The following SFMBT2 variants were observed in gnomAD, a reference collection of about 807,000 sequenced individuals.
SFMBT2 encodes Scm like with four mbt domains 2, also known as scm-like with four MBT domains protein 2.
Under a neutral mutation model 110.1 loss-of-function variants are expected in SFMBT2, and 38 were observed. That is an observed-to-expected ratio of 0.35 (90% CI 0.27 to 0.45). The LOEUF (loss-of-function observed/expected upper bound fraction) is 0.45, where lower values mean the gene tolerates loss of function less well. Ranked by LOEUF, SFMBT2 falls within the 20% of genes least tolerant of loss-of-function variation. The probability of loss-of-function intolerance (pLI) is 1.00; values close to 1 mark genes in which losing one functional copy is unlikely to be tolerated. For missense variants in SFMBT2, 1,011 were observed against 1,094.9 expected (o/e 0.92, Z 1.08); for synonymous variants, 425 against 425.4 (o/e 1.00, Z 0.01).
At chr10:7,320,491 T>C (rs1336505585) in intron 4 of SFMBT2, 1 of 650,480 alleles carries the variant, frequency 1.5e-6, no homozygotes, top group African/African-American at 2.0e-5. Flanking sequence ...TTTCCTTCTA[T>C]TTTTTTCCTG....
intron 4 of SFMBT2, among the ~76,000 whole-genome samples, chr10:7,344,329 A>C (rs1305485241): frequency 2.0e-5 from 3 of 152,260 alleles, no homozygotes; most frequent in Middle Eastern, 6.8e-3. Flanking sequence ...GGTGGAGACC[A>C]TTGAATCATG....
chr10:7,348,162 T>C, intron 4 of SFMBT2: 1 of 619,428 alleles, frequency 1.6e-6, no homozygotes, highest in Non-Finnish European at 2.5e-6. Flanking sequence ...AACATTTTAT[T>C]TTCTTTGGAG....
At chr10:7,391,360 G>T (rs1845758686) in intron 1 of SFMBT2, among the ~76,000 whole-genome samples, 1 of 150,830 alleles carries the variant, frequency 6.6e-6, no homozygotes, top group African/African-American at 2.4e-5. Flanking sequence ...CAGCTACTCG[G>T]GAGGCTGAGG....
At chr10:7,260,109 C>G (rs1450659511) in intron 7 of SFMBT2, among the ~76,000 whole-genome samples, 1 of 152,192 alleles carries the variant, frequency 6.6e-6, no homozygotes, top group Non-Finnish European at 1.5e-5. Flanking sequence ...AACCCACTGC[C>G]TACTACCACT....
At chr10:7,206,328 G>C (rs1839136926) in intron 11 of SFMBT2, 1 of 985,270 alleles carries the variant, frequency 1.0e-6, no homozygotes, top group South Asian at 4.7e-5. Context: ...GGAGCTTGGG[G>C]TGGGACCTCA....
chr10:7,248,556 C>T lies in SFMBT2; in HGVS notation c.964G>A (p.Val322Met). 3 of 1,613,922 alleles carry T rather than the reference C, an allele frequency of 1.9e-6. No homozygotes were observed. Among genetic ancestry groups the T allele is most frequent in the Non-Finnish European group, 2.5e-6 (3 of 1,179,818 alleles). Reference sequence around the variant, plus strand: ...GAGGGAGGAAAACCCACCTTAGTCACCGACGCAGGAGAGATGTAAAAGGGC... The same window carrying T: ...GAGGGAGGAAAACCCACCTTAGTCATCGACGCAGGAGAGATGTAAAAGGGC... ...CEPFYISPAS[V>M]TKVFNNHFFQ... The change falls in exon 8 of 21, where the codon GTG becomes ATG. Residue 322 changes from valine (V) to methionine (M), a missense_variant. By Grantham distance (21) the Val-to-Met change is conservative (BLOSUM62 1). Transcript: ENST00000397167.
intron 2 of SFMBT2, among the ~76,000 whole-genome samples, chr10:7,371,920 A>ATTTTTTTTTTTTTTTTTTTTTTTTTTT (rs762872004): frequency 1.3e-5 from 1 of 77,734 alleles, no homozygotes; most frequent in Non-Finnish European, 2.3e-5. Context: ...TCCACCTGTA[A>ATTTTTTTTTTTTTTTTTTTTTTTTTTT]TTTTTTTTTT....
At chr10:7,164,478 GA>G (rs756389116) in intron 20 of SFMBT2, 30 of 981,256 alleles carry the variant, frequency 3.1e-5, no homozygotes, top group South Asian at 4.7e-5. Flanking sequence ...CTGGTGGGTA[GA>G]AAGAGCTGGA....
chr10:7,205,193 C>T (rs1051581963), intron 12 of SFMBT2: 1 of 202,636 alleles, frequency 4.9e-6, no homozygotes, highest in Non-Finnish European at 8.7e-6. Flanking sequence ...GGCAATCCTC[C>T]CACCTCAGCC....
intron 8 of SFMBT2, among the ~76,000 whole-genome samples, chr10:7,245,640 C>A (rs555018904): frequency 2.2e-4 from 34 of 152,354 alleles, no homozygotes; most frequent in African/African-American, 7.7e-4. Context: ...GAAACAGAAA[C>A]AGAACCCAAG....
At chr10:7,347,409 T>C (rs1035519167) in intron 4 of SFMBT2, among the ~76,000 whole-genome samples, 1 of 152,030 alleles carries the variant, frequency 6.6e-6, no homozygotes, top group Admixed American at 6.6e-5. Flanking sequence ...TCCTAACACA[T>C]AAACCACACC....
At chr10:7,318,533 A>T (rs1232367737) in intron 4 of SFMBT2, among the ~76,000 whole-genome samples, 1 of 152,204 alleles carries the variant, frequency 6.6e-6, no homozygotes, top group Non-Finnish European at 1.5e-5. Flanking sequence ...TTATGACTTG[A>T]ATGAGTGAAA....
intron 4 of SFMBT2, among the ~76,000 whole-genome samples, chr10:7,319,972 CAG>C (rs776023435): frequency 4.3e-5 from 6 of 140,806 alleles, no homozygotes; most frequent in African/African-American, 1.6e-4. Context: ...GAGATGAAGA[CAG>C]AGAGACACAG....
At chr10:7,356,408 T>A (rs1015788165) in intron 4 of SFMBT2, among the ~76,000 whole-genome samples, 5 of 151,828 alleles carry the variant, frequency 3.3e-5, no homozygotes, top group South Asian at 2.1e-4. Context: ...GTTGTTGTTG[T>A]TGTTTTGTTT....
At chr10:7,343,304 G>A (rs955088254) in intron 4 of SFMBT2, among the ~76,000 whole-genome samples, 6 of 151,978 alleles carry the variant, frequency 3.9e-5, no homozygotes, top group African/African-American at 2.4e-5. Flanking sequence ...GATGGGCATT[G>A]AGGTTGATTC....
intron 1 of SFMBT2, among the ~76,000 whole-genome samples, chr10:7,398,396 G>T (rs1012075197): frequency 6.6e-6 from 1 of 152,034 alleles, no homozygotes; most frequent in Non-Finnish European, 1.5e-5. Flanking sequence ...CTTGAAAGTC[G>T]GTTTATTTAC....
intron 8 of SFMBT2, chr10:7,246,216 A>G: frequency 1.0e-6 from 1 of 961,292 alleles, no homozygotes; most frequent in Non-Finnish European, 1.2e-6. Flanking sequence ...TAAAAAGGAA[A>G]ACACAGTTTA....
At chr10:7,243,331 A>T (rs561253563) in intron 9 of SFMBT2, among the ~76,000 whole-genome samples, 1 of 152,300 alleles carries the variant, frequency 6.6e-6, no homozygotes, top group African/African-American at 2.4e-5. Context: ...GCGGTAACGG[A>T]TGGGGAAACT....
At chr10:7,296,329 A>G (rs1053549863) in intron 4 of SFMBT2, among the ~76,000 whole-genome samples, 5 of 152,212 alleles carry the variant, frequency 3.3e-5, no homozygotes, top group Admixed American at 6.5e-5. Context: ...TAATTCTTAC[A>G]GTTCTTTTTA....
Sources: gnomAD v4.1 joint callset for allele counts (sites outside exome capture counted in the v4.1 genomes callset) on GRCh38, gnomAD v4.1.1 for gene constraint, MANE v1.5 for transcripts, NCBI Gene and HGNC (gene_info 2026-07-23, HGNC 2026-07-21) for gene names.